The following TTLL5 variants were observed in gnomAD, a reference collection of about 807,000 sequenced individuals.
TTLL5 encodes the protein tubulin tyrosine ligase like 5.
A neutral mutation model predicts 168.4 loss-of-function variants in TTLL5; 132 were observed. That is an observed-to-expected ratio of 0.78 (90% confidence interval 0.68 to 0.91). The LOEUF is 0.91. Ranked by LOEUF, TTLL5 falls within the 40% of genes least tolerant of loss-of-function variation. TTLL5 has a pLI of 0.00. For missense variants in TTLL5, 1,545 were observed against 1,581.5 expected (o/e 0.98, Z 0.39); for synonymous variants, 546 against 558.6 (o/e 0.98, Z 0.32).
chr14:75,928,806 G>T (rs567183218), intron 31 of TTLL5, among the ~76,000 whole-genome samples: 28 of 152,216 alleles, frequency 1.8e-4, no homozygotes, highest in Admixed American at 3.9e-4. Context: ...GGGATTTTTT[G>T]AAAGAAACAA....
chr14:75,746,089 C>T (rs1889590501), intron 17 of TTLL5, among the ~76,000 whole-genome samples: 1 of 152,138 alleles, frequency 6.6e-6, no homozygotes, highest in South Asian at 2.1e-4. Flanking sequence ...CTCCACATGA[C>T]CCTGGGCTTC....
chr14:75,707,157 C>T (rs961042142), intron 8 of TTLL5, 70 bp downstream of exon 8: 11 of 1,191,494 alleles, frequency 9.2e-6, no homozygotes, highest in Non-Finnish European at 1.4e-5. Context: ...TTTTCATAGC[C>T]TTCTCTAGTA....
rs1008335698 is a variant in TTLL5, at chr14:75,775,527, A to G, written c.2180A>G (p.Gln727Arg). ...RFLKRASNNL[Q>R]HSLRMVLPSR... ...CTCAAGCGAGCATCAAATAACCTCC[A>G]GCATTCACTGAGGATGGTATTACCC... Residue 727 changes from glutamine to arginine, a missense_variant, in exon 22 of 32, where the codon CAG (glutamine) becomes CGG (arginine). Coordinates refer to ENST00000298832, the MANE Select transcript of TTLL5 (RefSeq NM_015072.5). 6.2e-7 allele frequency: 1 copy of G among 1,614,050 alleles called. No homozygotes were observed. Among genetic ancestry groups the G allele is most frequent in the African/African-American group, 1.3e-5 (1 of 75,002 alleles).
chr14:75,707,736 TGGGTGGGTATATTAA>T (rs755584881), intron 9 of TTLL5, 29 bp downstream of exon 9: 47 of 1,291,922 alleles, frequency 3.6e-5, no homozygotes, highest in Admixed American at 3.4e-4. Flanking sequence ...GTGAAGGGGT[TGGGTGGGTATATTAA>T]GGGTGGGTAT....
At chr14:75,805,798 G>A (rs1893619353) in intron 27 of TTLL5, among the ~76,000 whole-genome samples, 1 of 151,954 alleles carries the variant, frequency 6.6e-6, no homozygotes, top group South Asian at 2.1e-4. Flanking sequence ...AGGGAATTTA[G>A]GAATGGAGCC....
At chr14:75,840,956 C>G (rs1473542674) in intron 28 of TTLL5, among the ~76,000 whole-genome samples, 1 of 152,188 alleles carries the variant, frequency 6.6e-6, no homozygotes, top group Non-Finnish European at 1.5e-5. Flanking sequence ...GCCTCAGAAG[C>G]TTCCAATCAT....
In TTLL5 at chr14:75,892,225, T is replaced by A. The variant is rs139522027; in HGVS notation, c.3740+9323T>A. On this transcript the variant is annotated intron_variant, in intron 30 of 31. Coordinates refer to ENST00000298832, the MANE Select transcript of TTLL5 (RefSeq NM_015072.5). Reference sequence around the variant, plus strand: ...CACTTTCACATCCATTTCCCCCCTGTGCTGCAAATACATAGCTATGATGGA... The same window carrying A: ...CACTTTCACATCCATTTCCCCCCTGAGCTGCAAATACATAGCTATGATGGA... 2.2e-4 allele frequency among the ~76,000 whole-genome samples: 33 copies of A among 152,340 alleles called. No individual in the cohort carries two copies. The East Asian group carries it at 6.2e-3, about 28-fold the overall frequency.
intron 5 of TTLL5, among the ~76,000 whole-genome samples, chr14:75,688,781 T>G (rs1196705047): frequency 1.3e-5 from 2 of 152,162 alleles, no homozygotes; most frequent in Non-Finnish European, 2.9e-5. Context: ...GTTGAGTGAT[T>G]ATGTTGAATT....
chr14:75,744,645 C>A (rs1889485788), intron 15 of TTLL5: 1 of 153,094 alleles, frequency 6.5e-6, no homozygotes, highest in Non-Finnish European at 1.5e-5. Flanking sequence ...TAGATTGTTC[C>A]TTGGTTTTGT....
intron 29 of TTLL5, among the ~76,000 whole-genome samples, chr14:75,870,610 A>G (rs975554255): frequency 6.6e-6 from 1 of 152,152 alleles, no homozygotes; most frequent in African/African-American, 2.4e-5. Context: ...TTCCTGTGTT[A>G]TTAATAATAC....
chr14:75,936,502 C>G (rs980253674), intron 31 of TTLL5, among the ~76,000 whole-genome samples: 38 of 152,176 alleles, frequency 2.5e-4, no homozygotes, highest in African/African-American at 8.7e-4. Flanking sequence ...CTCCCTATTT[C>G]TTGCATCATA....
At chr14:75,938,247 C>T (rs1425275850) in intron 31 of TTLL5, among the ~76,000 whole-genome samples, 3 of 152,122 alleles carry the variant, frequency 2.0e-5, no homozygotes, top group Admixed American at 6.5e-5. Flanking sequence ...AAGGAGAAGT[C>T]GGAGCCAGAG....
chr14:75,803,084 T>A (rs1430571278), intron 27 of TTLL5: 1 of 152,270 alleles, frequency 6.6e-6, no homozygotes. Flanking sequence ...TGAAGGAACT[T>A]GTCCTTTGTC....
At chr14:75,787,891 C>T (rs1035880434) in intron 26 of TTLL5, among the ~76,000 whole-genome samples, 1 of 152,046 alleles carries the variant, frequency 6.6e-6, no homozygotes, top group African/African-American at 2.4e-5. Context: ...AAGAAGAAAT[C>T]CTGATGGAAG....
intron 3 of TTLL5, among the ~76,000 whole-genome samples, chr14:75,675,258 C>T (rs1419512487): frequency 2.0e-5 from 3 of 152,218 alleles, no homozygotes; most frequent in African/African-American, 2.4e-5. Flanking sequence ...GGCACAGCTA[C>T]ACTATGTTGC....
At chr14:75,681,295 T>C (rs1302597019) in intron 3 of TTLL5, among the ~76,000 whole-genome samples, 1 of 152,212 alleles carries the variant, frequency 6.6e-6, no homozygotes, top group Non-Finnish European at 1.5e-5. Flanking sequence ...AAATCTTAAT[T>C]GAAGCCATTG....
In TTLL5 at chr14:75,810,210, A is replaced by G. The variant is rs113374943; in HGVS notation, c.3172-9797A>G. ...CAGCATTCCTAGACCTTCTCAGACA[A>G]GAATTATCTAAAATTTTTCTGGACC... On this transcript the variant is annotated intron_variant, in intron 27 of 31. Coordinates refer to ENST00000298832, the MANE Select transcript of TTLL5 (RefSeq NM_015072.5). 6.6e-3 allele frequency among the ~76,000 whole-genome samples: 1,010 copies of G among 152,316 alleles called. 14 individuals carry two copies. The highest frequency in any genetic ancestry group is 0.023 in the African/African-American group (969 of 41,570).
chr14:75,806,222 G>A (rs760474418), intron 27 of TTLL5, among the ~76,000 whole-genome samples: 2 of 151,958 alleles, frequency 1.3e-5, no homozygotes, highest in African/African-American at 2.4e-5. Flanking sequence ...GTAGAGATGG[G>A]GTTTCACCAT....
chr14:75,775,421 T>C, intron 21 of TTLL5, 63 bp from the exon 22 acceptor site: 1 of 1,575,046 alleles, frequency 6.3e-7, no homozygotes, highest in Non-Finnish European at 8.7e-7. Flanking sequence ...CCTTCATAGC[T>C]TGTCTTCTGT....
Sources: allele counts gnomAD v4.1 joint callset (sites outside exome capture counted in the v4.1 genomes callset), GRCh38; gene constraint gnomAD v4.1.1; transcripts MANE v1.5; gene names NCBI Gene and HGNC (gene_info 2026-07-23, HGNC 2026-07-21).